Variants in ARB2A observed in about 807,000 individuals in gnomAD.
The protein encoded by ARB2A is cotranscriptional regulator ARB2A.
chr5:93,869,527 T>C, the ARB2A span, among the ~76,000 whole-genome samples: 1 of 152,216 alleles, frequency 6.6e-6, no homozygotes, highest in African/African-American at 2.4e-5. Context: ...GTGCATACTA[T>C]GTGCTAAAGC....
the ARB2A span, among the ~76,000 whole-genome samples, chr5:93,641,528 A>G: frequency 6.6e-6 from 1 of 152,206 alleles, no homozygotes; most frequent in Non-Finnish European, 1.5e-5. Flanking sequence ...AGATTTCAAT[A>G]CTTTTGAGCC....
chr5:93,960,050 T>G, the ARB2A span, among the ~76,000 whole-genome samples: 1 of 136,878 alleles, frequency 7.3e-6, no homozygotes, highest in Non-Finnish European at 1.5e-5. Context: ...CATACAATTA[T>G]CAAAATAGGA....
chr5:93,782,415 A>G, the ARB2A span, among the ~76,000 whole-genome samples: 1 of 152,210 alleles, frequency 6.6e-6, no homozygotes, highest in Non-Finnish European at 1.5e-5. Context: ...TTAGCAAATT[A>G]GCTGGTACAT....
chr5:93,807,057 G>C, the ARB2A span, among the ~76,000 whole-genome samples: 1 of 151,928 alleles, frequency 6.6e-6, no homozygotes, highest in African/African-American at 2.4e-5. Flanking sequence ...CATAGGCTTT[G>C]ATGAAACAGA....
the ARB2A span, among the ~76,000 whole-genome samples, chr5:93,983,170 GGTGTGTGTGTGTGTGTGTGTGTGT>G: frequency 7.4e-4 from 93 of 125,530 alleles, no homozygotes; most frequent in African/African-American, 2.2e-3. Flanking sequence ...GCTGTGGAGA[GGTGTGTGTGTGTGTGTGTGTGTGT>G]GTGTGTGTGT....
the ARB2A span, among the ~76,000 whole-genome samples, chr5:93,766,110 T>C: frequency 6.6e-6 from 1 of 152,130 alleles, no homozygotes; most frequent in African/African-American, 2.4e-5. Context: ...GGCAATACCA[T>C]TCAGGACATA....
At chr5:93,731,814 G>A in the ARB2A span, among the ~76,000 whole-genome samples, 1 of 152,174 alleles carries the variant, frequency 6.6e-6, no homozygotes, top group Non-Finnish European at 1.5e-5. Context: ...ATGACATTCA[G>A]GCTGCACAGT....
the ARB2A span, among the ~76,000 whole-genome samples, chr5:94,103,135 T>C: frequency 6.6e-6 from 1 of 151,926 alleles, no homozygotes; most frequent in East Asian, 1.9e-4. Context: ...AACAAGCAGA[T>C]AACAGCATAA....
the ARB2A span, among the ~76,000 whole-genome samples, chr5:93,935,216 C>T: frequency 5.0e-3 from 755 of 152,068 alleles, 9 homozygotes; most frequent in African/African-American, 0.017. Context: ...CCACCTGTTC[C>T]CCAAAAACCT....
chr5:93,657,168 T>C, the ARB2A span, among the ~76,000 whole-genome samples: 2 of 152,192 alleles, frequency 1.3e-5, no homozygotes, highest in Admixed American at 1.3e-4. Flanking sequence ...AGGCCACAGA[T>C]AATAGTAGCA....
At chr5:93,811,808 T>C in the ARB2A span, among the ~76,000 whole-genome samples, 27 of 152,292 alleles carry the variant, frequency 1.8e-4, no homozygotes, top group African/African-American at 6.3e-4. Flanking sequence ...ATGCTGATGA[T>C]CAGCATAAGG....
the ARB2A span, among the ~76,000 whole-genome samples, chr5:93,765,208 G>A: frequency 6.6e-6 from 1 of 152,162 alleles, no homozygotes; most frequent in Non-Finnish European, 1.5e-5. Flanking sequence ...AATTAGGCAG[G>A]AGAAGGAAAT....
chr5:93,993,236 T>G, the ARB2A span, among the ~76,000 whole-genome samples: 1 of 152,248 alleles, frequency 6.6e-6, no homozygotes, highest in African/African-American at 2.4e-5. Flanking sequence ...ATATAAAATA[T>G]TTTGCTTTGG....
chr5:93,971,404 C>CAAAA, the ARB2A span, among the ~76,000 whole-genome samples: 2 of 151,766 alleles, frequency 1.3e-5, no homozygotes, highest in South Asian at 4.2e-4. Flanking sequence ...CCTGTCTCTA[C>CAAAA]TAAAAATACA....
At chr5:93,819,043 G>A in the ARB2A span, among the ~76,000 whole-genome samples, 4 of 151,458 alleles carry the variant, frequency 2.6e-5, no homozygotes, top group African/African-American at 7.3e-5. Context: ...AAAATTAGCC[G>A]GGCATGGTGG....
the ARB2A span, among the ~76,000 whole-genome samples, chr5:93,990,597 A>G: frequency 2.8e-5 from 4 of 145,162 alleles, no homozygotes; most frequent in African/African-American, 1.0e-4. Context: ...AGTTTTCTCC[A>G]ATCTTCCTGT....
chr5:93,738,176 T>G, the ARB2A span: 1 of 176,912 alleles, frequency 5.7e-6, no homozygotes, highest in Non-Finnish European at 1.2e-5. Context: ...AGATACAAAA[T>G]AGACAATAAG....
the ARB2A span, among the ~76,000 whole-genome samples, chr5:93,853,919 C>T: frequency 6.6e-6 from 1 of 152,082 alleles, no homozygotes; most frequent in South Asian, 2.1e-4. Context: ...CTAAAATTCT[C>T]TTTTTGGTTG....
the ARB2A span, among the ~76,000 whole-genome samples, chr5:93,684,041 A>G: frequency 6.6e-6 from 1 of 152,158 alleles, no homozygotes; most frequent in East Asian, 1.9e-4. Flanking sequence ...CAAAACCTCT[A>G]TTAGAGGCTC....
Sources: gnomAD v4.1 joint callset for allele counts (sites outside exome capture counted in the v4.1 genomes callset) on GRCh38, gnomAD v4.1.1 for gene constraint, MANE v1.5 for transcripts, NCBI Gene and HGNC (gene_info 2026-07-23, HGNC 2026-07-21) for gene names.